Variants in DESI2 observed in about 807,000 individuals in gnomAD.
DESI2 encodes desumoylating isopeptidase 2, also known as deubiquitinase DESI2.
A neutral mutation model predicts 24.1 loss-of-function variants in DESI2; 10 were observed. That is an observed-to-expected ratio of 0.41 (90% CI 0.26 to 0.70). The LOEUF is 0.70. Ranked by LOEUF, DESI2 falls within the 30% of genes least tolerant of loss-of-function variation. DESI2 has a pLI of 0.29. For synonymous variants in DESI2, 71 were observed against 87.7 expected (o/e 0.81, Z 1.06); for missense variants, 122 against 234.9 (o/e 0.52, Z 3.14).
intron 4 of DESI2, among the ~76,000 whole-genome samples, chr1:244,703,943 G>A (rs1357040241): frequency 1.3e-5 from 2 of 152,136 alleles, no homozygotes; most frequent in Admixed American, 6.5e-5. Flanking sequence ...ACAGGTGTGA[G>A]CCACCGCGCT....
chr1:244,663,749 T>C (rs1477884165), intron 1 of DESI2, among the ~76,000 whole-genome samples: 1 of 151,954 alleles, frequency 6.6e-6, no homozygotes, highest in African/African-American at 2.4e-5. Flanking sequence ...CCGGGCACGG[T>C]GGCTCACGCC....
chr1:244,703,718 G>A (rs576578731), intron 4 of DESI2, among the ~76,000 whole-genome samples: 20 of 151,412 alleles, frequency 1.3e-4, no homozygotes, highest in African/African-American at 4.9e-4. Flanking sequence ...GAGTGCAGTG[G>A]TGCGATCTCG....
At chr1:244,693,439 T>C (rs937256052) in intron 4 of DESI2, among the ~76,000 whole-genome samples, 1 of 152,054 alleles carries the variant, frequency 6.6e-6, no homozygotes, top group African/African-American at 2.4e-5. Flanking sequence ...TTTGTTCTTT[T>C]TTTTTTTTGA....
chr1:244,662,488 A>G (rs556070582), intron 1 of DESI2, among the ~76,000 whole-genome samples: 1 of 152,128 alleles, frequency 6.6e-6, no homozygotes, highest in Non-Finnish European at 1.5e-5. Context: ...TTTCTATCAT[A>G]TTCTTCCCTC....
intron 2 of DESI2, among the ~76,000 whole-genome samples, chr1:244,687,405 CAG>C (rs1015089941): frequency 1.3e-5 from 2 of 152,176 alleles, no homozygotes; most frequent in Non-Finnish European, 2.9e-5. Flanking sequence ...CTGCGTAAGA[CAG>C]ATCACATTGC....
At chr1:244,653,645 G>A (rs955406567) in intron 1 of DESI2, 18 of 509,468 alleles carry the variant, frequency 3.5e-5, no homozygotes, top group Non-Finnish European at 1.0e-5. Context: ...CCGACCCCTT[G>A]GCCGACGTGC....
chr1:244,674,483 G>A (rs1183508288), intron 1 of DESI2, among the ~76,000 whole-genome samples: 1 of 152,056 alleles, frequency 6.6e-6, no homozygotes, highest in Non-Finnish European at 1.5e-5. Flanking sequence ...CATCACCCTA[G>A]AGAGAAGCCC....
chr1:244,704,294 A>C (rs1212532991), intron 4 of DESI2, among the ~76,000 whole-genome samples: 2 of 152,234 alleles, frequency 1.3e-5, no homozygotes, highest in African/African-American at 2.4e-5. Context: ...ACATGATCAT[A>C]ATCTTTGGTA....
chr1:244,677,797 C>G (rs1335764246), intron 1 of DESI2, among the ~76,000 whole-genome samples: 1 of 152,050 alleles, frequency 6.6e-6, no homozygotes, highest in Non-Finnish European at 1.5e-5. Flanking sequence ...GTGCATGCCT[C>G]TAGTCCCAGT....
chr1:244,682,631 A>G (rs1404454981), intron 1 of DESI2, among the ~76,000 whole-genome samples: 5 of 152,182 alleles, frequency 3.3e-5, no homozygotes, highest in African/African-American at 1.2e-4. Context: ...TTTTCTGTAA[A>G]TAACCAGATA....
chr1:244,704,630 A>C (rs546873735), intron 4 of DESI2, among the ~76,000 whole-genome samples: 2 of 151,872 alleles, frequency 1.3e-5, no homozygotes, highest in Admixed American at 6.6e-5. Context: ...TCTGCAGAGG[A>C]GTCACAGAGC....
rs192862385 is a variant in DESI2, at chr1:244,703,965, T to A, written c.352-1591T>A. ...TGAGCCACCGCGCTGGGCCGAAATATTTTTAAGTGTCTACCTCTCTGTACT... is the reference window on the plus strand; with the variant it reads ...TGAGCCACCGCGCTGGGCCGAAATAATTTTAAGTGTCTACCTCTCTGTACT... On this transcript the variant is annotated intron_variant, in intron 4 of 4. Coordinates refer to ENST00000302550, the MANE Select transcript of DESI2 (RefSeq NM_016076.5). Among the ~76,000 whole-genome samples the A allele has an allele frequency of 9.9e-5, 15 of 152,262 alleles. No individual in the cohort carries two copies. The East Asian group carries it at 2.7e-3, about 27-fold the overall frequency.
intron 1 of DESI2, among the ~76,000 whole-genome samples, chr1:244,664,661 G>A (rs890279694): frequency 6.6e-6 from 1 of 152,228 alleles, no homozygotes; most frequent in African/African-American, 2.4e-5. Flanking sequence ...TTGTGCCACT[G>A]CACTCAGTCT....
intron 1 of DESI2, among the ~76,000 whole-genome samples, chr1:244,669,363 CT>C (rs1186337166): frequency 3.3e-5 from 5 of 151,340 alleles, no homozygotes; most frequent in Non-Finnish European, 5.9e-5. Flanking sequence ...ATAAGAAAAC[CT>C]TTTTATTCTT....
intron 1 of DESI2, among the ~76,000 whole-genome samples, chr1:244,677,920 TA>T (rs1299737629): frequency 6.6e-6 from 1 of 151,942 alleles, no homozygotes; most frequent in Admixed American, 6.6e-5. Context: ...ACCCTGTCTC[TA>T]AAAAAATAAC....
intron 1 of DESI2, among the ~76,000 whole-genome samples, chr1:244,676,538 C>CT (rs1676421896): frequency 1.3e-5 from 2 of 151,756 alleles, no homozygotes; most frequent in East Asian, 1.9e-4. Context: ...GTTTGAATGC[C>CT]TTTAATTTTT....
intron 1 of DESI2, among the ~76,000 whole-genome samples, chr1:244,670,444 A>G (rs1676208142): frequency 6.6e-6 from 1 of 152,224 alleles, no homozygotes; most frequent in Admixed American, 6.5e-5. Flanking sequence ...CTTCCCCAAT[A>G]TGTAGAACAA....
intron 4 of DESI2, among the ~76,000 whole-genome samples, chr1:244,703,181 T>C (rs1358629658): frequency 6.6e-6 from 1 of 151,972 alleles, no homozygotes; most frequent in Non-Finnish European, 1.5e-5. Flanking sequence ...TTTGTATTTT[T>C]AGTAGAGATG....
chr1:244,663,291 C>G (rs1301271487), intron 1 of DESI2, among the ~76,000 whole-genome samples: 1 of 152,054 alleles, frequency 6.6e-6, no homozygotes, highest in Non-Finnish European at 1.5e-5. Flanking sequence ...ATTCTTCTGC[C>G]TCAGTCTTCT....
Sources: gnomAD v4.1 joint callset for allele counts (sites outside exome capture counted in the v4.1 genomes callset) on GRCh38, gnomAD v4.1.1 for gene constraint, MANE v1.5 for transcripts, NCBI Gene and HGNC (gene_info 2026-07-23, HGNC 2026-07-21) for gene names.